SH3KBP1: variants seen among roughly 807,000 people sequenced by gnomAD.
SH3KBP1 encodes the protein SH3 domain-containing kinase-binding protein 1.
A neutral mutation model predicts 50.1 loss-of-function variants in SH3KBP1; 8 were observed. The observed-to-expected ratio is 0.16, with a 90% confidence interval of 0.09 to 0.29. The LOEUF (loss-of-function observed/expected upper bound fraction) is 0.29, where lower values mean the gene tolerates loss of function less well. SH3KBP1 is among the 10% of genes least tolerant of loss of function. SH3KBP1 has a pLI of 1.00. For missense variants in SH3KBP1, 377 were observed against 535.2 expected (o/e 0.70, Z 2.92); for synonymous variants, 227 against 218.6 (o/e 1.04, Z -0.34).
At chrX:19,592,526 CA>C (rs1313268734) in intron 10 of SH3KBP1, among the ~76,000 whole-genome samples, 1 of 110,534 alleles carries the variant, frequency 9.0e-6, no homozygotes, top group African/African-American at 3.3e-5. Context: ...TGTGTTCTAC[CA>C]AAAAAAGGGG....
At chrX:19,702,379 G>A (rs2063552221) in intron 4 of SH3KBP1, among the ~76,000 whole-genome samples, 1 of 111,643 alleles carries the variant, frequency 9.0e-6, no homozygotes, top group South Asian at 3.8e-4. Flanking sequence ...TATTCCATGG[G>A]CACAAGAAGG....
At chrX:19,882,001 G>A (rs998317837) in intron 1 of SH3KBP1, among the ~76,000 whole-genome samples, 2 of 111,040 alleles carry the variant, frequency 1.8e-5, no homozygotes, top group African/African-American at 3.3e-5. Flanking sequence ...GGTAGGTGTA[G>A]GGCAGGCTAT....
intron 1 of SH3KBP1, among the ~76,000 whole-genome samples, chrX:19,868,803 C>T (rs932744311): frequency 8.3e-5 from 9 of 108,202 alleles, no homozygotes; most frequent in African/African-American, 2.7e-4. Context: ...AAGTCAGGGA[C>T]TGTCTGTAGA....
At chrX:19,847,768 C>T (rs905878758) in intron 1 of SH3KBP1, among the ~76,000 whole-genome samples, 2 of 111,985 alleles carry the variant, frequency 1.8e-5, no homozygotes, top group African/African-American at 6.5e-5. Context: ...TAATATTGAA[C>T]AATAATTTGA....
chrX:19,810,712 G>A (rs1265890234), intron 2 of SH3KBP1, among the ~76,000 whole-genome samples: 1 of 111,667 alleles, frequency 9.0e-6, no homozygotes, highest in Non-Finnish European at 1.9e-5. Flanking sequence ...TCTGTTAATG[G>A]AACCCATTCA....
intron 3 of SH3KBP1, among the ~76,000 whole-genome samples, chrX:19,719,211 A>G (rs1603101237): frequency 9.0e-6 from 1 of 111,132 alleles, no homozygotes; most frequent in African/African-American, 3.3e-5. Flanking sequence ...GCACATCTGT[A>G]TCAACCAATT....
intron 2 of SH3KBP1, among the ~76,000 whole-genome samples, chrX:19,791,332 A>C (rs191162468): frequency 2.6e-4 from 29 of 111,400 alleles, no homozygotes; most frequent in African/African-American, 9.1e-4. Context: ...ATAGACTCAT[A>C]ATAGAAGGTG....
chrX:19,648,442 AGGAGGGAAGGAG>A lies in SH3KBP1; in HGVS notation c.727-2979_727-2968del, dbSNP rs767927411. 3.8e-3 allele frequency among the ~76,000 whole-genome samples: 378 copies of A among 98,610 alleles called. 2 individuals carry two copies. Among genetic ancestry groups the A allele is most frequent in the African/African-American group, 0.012 (323 of 27,206 alleles). The allele number at this position is 98,610 out of a possible 115,157, so 85.6% of individuals were successfully genotyped here. A position where few individuals can be genotyped will look rare whatever the true frequency, so the allele number is the denominator to read the frequency against. On this transcript the variant is annotated intron_variant, in intron 6 of 17. Transcript: ENST00000397821. ...AAGGAAGGAAGGAGGGAAGGAAGGA[AGGAGGGAAGGAG>A]GGAGGGAAGGAGGGAGGGAAGGAAG...
At chrX:19,710,180 A>G (rs961908803) in intron 3 of SH3KBP1, among the ~76,000 whole-genome samples, 3 of 112,268 alleles carry the variant, frequency 2.7e-5, no homozygotes, top group African/African-American at 9.7e-5. Flanking sequence ...TAACTTTTCA[A>G]TTGCATGTCA....
intron 13 of SH3KBP1, among the ~76,000 whole-genome samples, chrX:19,550,605 G>A (rs1602431227): frequency 9.0e-6 from 1 of 111,385 alleles, no homozygotes; most frequent in East Asian, 2.8e-4. Context: ...AGCAATATAG[G>A]GCAGTATACT....
At chrX:19,610,967 C>T (rs1359509497) in intron 8 of SH3KBP1, among the ~76,000 whole-genome samples, 1 of 111,298 alleles carries the variant, frequency 9.0e-6, no homozygotes, top group Non-Finnish European at 1.9e-5. Flanking sequence ...TCACTGCAGC[C>T]TTGACTTCTT....
intron 8 of SH3KBP1, among the ~76,000 whole-genome samples, chrX:19,610,812 C>T (rs1323398252): frequency 8.9e-6 from 1 of 112,021 alleles, no homozygotes; most frequent in Non-Finnish European, 1.9e-5. Flanking sequence ...TAGCTGAGGA[C>T]TGGTCTTCCT....
At chrX:19,541,856 T>C in intron 16 of SH3KBP1, 69 bp downstream of exon 16, 1 of 1,130,101 alleles carries the variant, frequency 8.8e-7, no homozygotes, top group Non-Finnish European at 1.2e-6. Context: ...ATCCATGCTT[T>C]CAGAACTAGG....
At chrX:19,659,335 G>A (rs183290038) in intron 6 of SH3KBP1, among the ~76,000 whole-genome samples, 324 of 109,752 alleles carry the variant, frequency 3.0e-3, no homozygotes, top group Middle Eastern at 0.023. Flanking sequence ...GGCTGGTCTC[G>A]AACTCCTGAC....
chrX:19,852,863 A>G (rs2068546790), intron 1 of SH3KBP1, among the ~76,000 whole-genome samples: 1 of 111,455 alleles, frequency 9.0e-6, no homozygotes, highest in Admixed American at 9.6e-5. Flanking sequence ...GGAATGCATG[A>G]TCGGAGAGAA....
chrX:19,695,883 GA>G (rs1337969291), intron 4 of SH3KBP1, 142 bp from the exon 5 acceptor site: 9 of 498,399 alleles, frequency 1.8e-5, no homozygotes, highest in Admixed American at 3.9e-5. Flanking sequence ...CAGGGAACAA[GA>G]AAAAAAGACC....
intron 8 of SH3KBP1, among the ~76,000 whole-genome samples, chrX:19,624,311 G>GA (rs1278862174): frequency 2.7e-5 from 3 of 110,484 alleles, no homozygotes; most frequent in East Asian, 2.8e-4. Flanking sequence ...TTGCAGAGGG[G>GA]AAAAAAAAGT....
intron 7 of SH3KBP1, among the ~76,000 whole-genome samples, chrX:19,633,395 C>T (rs962052372): frequency 8.9e-6 from 1 of 112,078 alleles, no homozygotes; most frequent in Admixed American, 9.5e-5. Flanking sequence ...TACCATATTC[C>T]TAAACCCATA....
chrX:19,841,131 C>G (rs998181989), intron 1 of SH3KBP1, among the ~76,000 whole-genome samples: 1 of 111,925 alleles, frequency 8.9e-6, no homozygotes, highest in African/African-American at 3.3e-5. Context: ...AGCAGCTTCT[C>G]AGGGCCAGCT....
Sources: allele counts gnomAD v4.1 joint callset (sites outside exome capture counted in the v4.1 genomes callset), GRCh38; gene constraint gnomAD v4.1.1; transcripts MANE v1.5; gene names NCBI Gene and HGNC (gene_info 2026-07-23, HGNC 2026-07-21).